Variants in CFAP65 observed in about 807,000 individuals in gnomAD.
CFAP65 encodes the protein cilia- and flagella-associated protein 65.
In CFAP65, 155 loss-of-function variants were observed where a neutral mutation model predicts 208.0. The observed-to-expected ratio is 0.75, with a 90% CI of 0.65 to 0.85. The LOEUF (loss-of-function observed/expected upper bound fraction) is 0.85, where lower values mean the gene tolerates loss of function less well. Among genes scored for constraint, CFAP65 ranks in the 40% least tolerant of loss-of-function variants. The pLI, the probability that CFAP65 is intolerant of heterozygous loss-of-function variation, is 0.00. For missense variants in CFAP65, 2,294 were observed against 2,451.3 expected (o/e 0.94, Z 1.36); for synonymous variants, 970 against 986.3 (o/e 0.98, Z 0.31).
rs539136418 is a variant in CFAP65 at position 219,013,602 on chromosome 2, A to G, written c.3780-17T>C. 2.5e-6 allele frequency: 4 copies of G among 1,589,176 alleles called. No individual in the cohort carries two copies. In the South Asian group the frequency reaches 4.6e-5, roughly 18 times the overall value. ...AACAGGTGGCTAGAAAGAAACAGAT[A>G]AGTCTGGGAGTGAGTTCTGGAGCCC... On this transcript the variant is annotated splice_polypyrimidine_tract_variant and intron_variant, in intron 22 of 34. Coordinates refer to ENST00000341552, the MANE Select transcript of CFAP65 (RefSeq NM_194302.4).
Position 219,003,635 on chromosome 2 carries a change from G to A in CFAP65, c.5555+317C>T, listed in dbSNP as rs1945734908. On this transcript the variant is annotated intron_variant, in intron 33 of 34. Coordinates refer to ENST00000341552, the MANE Select transcript of CFAP65 (RefSeq NM_194302.4). This position sits in a 1 kb window ranked among gnomAD's most constrained non-coding sequence, Gnocchi z 4.4. ...AAATCATCTGTAGGGCAGCCCCGGC[G>A]GGAAGTCCCACCTGCAAGACAGGTG... Among the ~76,000 whole-genome samples, 1 of 152,176 alleles carries A rather than the reference G, an allele frequency of 6.6e-6. No individual in the cohort carries two copies. The highest frequency in any genetic ancestry group is 2.4e-5 in the African/African-American group (1 of 41,444).
Position 219,002,877 on chromosome 2 carries a change from G to T in CFAP65, c.*60C>A. Reference sequence around the variant, plus strand: ...AAAAAGACTAGATGCTTTTACTGGCGGTGGAGAGGGGGCCAGGCGTGACCC... The same window carrying T: ...AAAAAGACTAGATGCTTTTACTGGCTGTGGAGAGGGGGCCAGGCGTGACCC... On this transcript the variant is annotated 3_prime_UTR_variant, in exon 35 of 35. Coordinates refer to ENST00000341552, the MANE Select transcript of CFAP65 (RefSeq NM_194302.4). The surrounding 1 kb of genome is among the most constrained non-coding windows in gnomAD (Gnocchi z 7.9). The T allele has an allele frequency of 7.2e-7, 1 of 1,386,842 alleles. No homozygotes were observed. The highest frequency in any genetic ancestry group is 1.0e-6 in the Non-Finnish European group (1 of 996,296). The allele number at this position is 1,386,842 out of a possible 1,614,324, so 85.9% of individuals were successfully genotyped here.
rs1945799498 is a variant in CFAP65 at position 219,004,548 on chromosome 2, G to A, written c.5052-93C>T. ...CAGAGCTAGGTTCTAGGTGGGAAAG[G>A]GGCTGCTAGGTGGGGAGAGGGGAGC... On this transcript the variant is annotated intron_variant, in intron 32 of 34. Coordinates refer to ENST00000341552, the MANE Select transcript of CFAP65 (RefSeq NM_194302.4). The surrounding 1 kb of genome is among the most constrained non-coding windows in gnomAD (Gnocchi z 4.7). 7.2e-7 allele frequency: 1 copy of A among 1,397,456 alleles called. No homozygotes were observed. The highest frequency in any genetic ancestry group is 2.3e-5 in the Admixed American group (1 of 42,850). The allele number at this position is 1,397,456 out of a possible 1,614,324, so 86.6% of individuals were successfully genotyped here. A position where few individuals can be genotyped will look rare whatever the true frequency, so the allele number is the denominator to read the frequency against.
rs747652315 is a variant in CFAP65 at position 219,023,255 on chromosome 2, C to T, written c.2772G>A (p.Leu924=). The T allele has an allele frequency of 6.2e-7, 1 of 1,613,034 alleles. No individual in the cohort carries two copies. Among genetic ancestry groups the T allele is most frequent in the East Asian group, 2.2e-5 (1 of 44,870 alleles). ...GCCCCCTGGAGGGCTGGACAGCCAG[C>T]AGCTTTCGATGCTGCTCAGAGACCC... The part of the protein sequence containing the change: ...EWRVSEQHRK[L]LAVQPSRGLI... The change falls in exon 16 of 35, where the codon CTG becomes CTA. Residue 924 remains leucine, a synonymous_variant. Transcript: ENST00000341552.
In CFAP65 at chr2:219,024,155, C is replaced by A; in HGVS notation, c.2455G>T (p.Asp819Tyr). 1 of 1,614,032 alleles carries A rather than the reference C, an allele frequency of 6.2e-7. No individual in the cohort carries two copies. The highest frequency in any genetic ancestry group is 2.2e-5 in the East Asian group (1 of 44,888). Residue 819 changes from aspartate to tyrosine, a missense_variant, in exon 15 of 35, where the codon GAC becomes TAC. By Grantham distance (160) the Asp-to-Tyr change is radical (BLOSUM62 -3). Coordinates refer to ENST00000341552, the MANE Select transcript of CFAP65 (RefSeq NM_194302.4). ...TFSLAPQRGSDVILRPTSGLV... is the reference protein window; with the variant it reads ...TFSLAPQRGSYVILRPTSGLV... ...CCCGAAGTGGGCCGAAGGATGACGTCTGAGCCTCTCTGGGGGGCCAGGCTG... is the reference window on the plus strand; with the variant it reads ...CCCGAAGTGGGCCGAAGGATGACGTATGAGCCTCTCTGGGGGGCCAGGCTG...
chr2:219,004,270 G>A lies in CFAP65; in HGVS notation c.5237C>T (p.Pro1746Leu), dbSNP rs766938631. 56 of 1,613,684 alleles carry A rather than the reference G, an allele frequency of 3.5e-5. No individual in the cohort carries two copies. Among genetic ancestry groups the A allele is most frequent in the South Asian group, 2.0e-4 (18 of 91,072 alleles). The change falls in exon 33 of 35, where the codon CCG becomes CTG. Residue 1746 changes from proline to leucine, a missense_variant. By Grantham distance (98) the Pro-to-Leu change is moderately conservative (BLOSUM62 -3). This residue lies in a region of CFAP65 where 1,427 missense variants were observed against 1,438.7 expected (regional missense o/e 0.99). Transcript: ENST00000341552. This position sits in a 1 kb window ranked among gnomAD's most constrained non-coding sequence, Gnocchi z 4.7. ...ATAGTGCTCTGGTCTGTCTTCCTTC[G>A]GCTGCTTGCCCTTCCCATCCTCCCA... ...SSWEDGKGKQ[P>L]KEDRPEHYPG...
intron 21 of CFAP65, chr2:219,014,527 G>A (rs944723725): frequency 3.2e-5 from 5 of 154,320 alleles, no homozygotes; most frequent in African/African-American, 1.2e-4. Context: ...GCTGTGCACA[G>A]AGTTAATGCC....
chr2:219,018,883 C>T, intron 21 of CFAP65, 168 bp downstream of exon 21: 2 of 874,478 alleles, frequency 2.3e-6, no homozygotes, highest in East Asian at 2.5e-5. Context: ...CGGAGTCCTG[C>T]TGGCAACCCC....
At position 219,032,691 on chromosome 2, in the gene CFAP65, G is replaced by A. The variant is rs1948129785; in HGVS notation, c.543-119C>T. 2.5e-6 allele frequency: 2 copies of A among 816,098 alleles called. No homozygotes were observed. The highest frequency in any genetic ancestry group is 2.7e-5 in the Admixed American group (1 of 36,452). 50.6% of individuals were successfully genotyped at this position (816,098 alleles called of 1,614,324 possible). On this transcript the variant is annotated intron_variant, in intron 5 of 34. Transcript: ENST00000341552. This position sits in a 1 kb window ranked among gnomAD's most constrained non-coding sequence, Gnocchi z 5.5. ...TTGAGTCCCTGGGACCACAGAGAAA[G>A]CGATCAGGAGATGAGCACGTGGAGA...
chr2:219,019,526 G>A lies in CFAP65; in HGVS notation c.3453C>T (p.Tyr1151=). ...ERDPTPCELT[Y]KVPTRHSMSQ... ...CTCACCTGTGCCGGGTGGGCACCTTGTAGGTGAGCTCACAGGGGGTGGGGT... is the reference window on the plus strand; with the variant it reads ...CTCACCTGTGCCGGGTGGGCACCTTATAGGTGAGCTCACAGGGGGTGGGGT... Residue 1151 remains tyrosine (Y), a synonymous_variant, in exon 20 of 35, where the codon TAC becomes TAT. Coordinates refer to ENST00000341552, the MANE Select transcript of CFAP65 (RefSeq NM_194302.4). The A allele has an allele frequency of 6.2e-7, 1 of 1,612,728 alleles. No homozygotes were observed. The highest frequency in any genetic ancestry group is 8.5e-7 in the Non-Finnish European group (1 of 1,179,934).
intron 13 of CFAP65, chr2:219,027,341 G>T: frequency 6.9e-7 from 1 of 1,445,628 alleles, no homozygotes; most frequent in Non-Finnish European, 9.1e-7. Flanking sequence ...AAGCTAGGAG[G>T]CCTCCTAGCC....
rs145661891 is a variant in CFAP65, at chr2:219,019,610, G to A, written c.3369C>T (p.Thr1123=). 7,968 of 1,613,822 alleles carry A rather than the reference G, an allele frequency of 4.9e-3. 30 individuals carry two copies. The highest frequency in any genetic ancestry group is 6.0e-3 in the Non-Finnish European group (7,126 of 1,180,018). The change falls in exon 20 of 35, where the codon ACC becomes ACT. Residue 1123 remains threonine, a synonymous_variant. Transcript: ENST00000341552. ...AGAAGAGGCGCCACAGGTGCTTCCG[G>A]GTGATACCCTCAGCACTGCCCATGG... ...VSSMGSAEGI[T]RKHLWRLFSL...
chr2:219,032,699 G>C lies in CFAP65; in HGVS notation c.543-127C>G. Reference sequence around the variant, plus strand: ...CTGGGACCACAGAGAAAGCGATCAGGAGATGAGCACGTGGAGATGGAAACT... The same window carrying C: ...CTGGGACCACAGAGAAAGCGATCAGCAGATGAGCACGTGGAGATGGAAACT... On this transcript the variant is annotated intron_variant, in intron 5 of 34. Transcript: ENST00000341552. This position sits in a 1 kb window ranked among gnomAD's most constrained non-coding sequence, Gnocchi z 5.5. The C allele has an allele frequency of 1.3e-6, 1 of 741,672 alleles. No homozygotes were observed. The highest frequency in any genetic ancestry group is 2.2e-6 in the Non-Finnish European group (1 of 456,546). The allele number at this position is 741,672 out of a possible 1,614,324, so 45.9% of individuals were successfully genotyped here.
chr2:219,024,791 C>T (rs1290057125), intron 14 of CFAP65, among the ~76,000 whole-genome samples: 1 of 152,098 alleles, frequency 6.6e-6, no homozygotes, highest in Non-Finnish European at 1.5e-5. Context: ...CCAAAATTAG[C>T]CAGTTGTAGT....
At chr2:219,008,737 A>G (rs939253864) in intron 29 of CFAP65, among the ~76,000 whole-genome samples, 7 of 152,230 alleles carry the variant, frequency 4.6e-5, no homozygotes, top group Non-Finnish European at 8.8e-5. Flanking sequence ...CTGTCTCAAA[A>G]AAAAATAAAA....
At chr2:219,028,612 G>A (rs548128590) in intron 11 of CFAP65, among the ~76,000 whole-genome samples, 2 of 152,020 alleles carry the variant, frequency 1.3e-5, no homozygotes, top group African/African-American at 2.4e-5. Context: ...AGAGCACCCC[G>A]GTCCTTAGGA....
At position 219,023,324 on chromosome 2, in the gene CFAP65, G is replaced by GA. The variant is rs767436894; in HGVS notation, c.2702dup (p.Thr902HisfsTer18). ...GCAGACGCGAGGGGTTGCGGAAGGT[G>GA]AAGGGGCTGGTGGAGGAGCAGCCCA... On this transcript the variant is annotated frameshift_variant, in exon 16 of 35. Transcript: ENST00000341552. LOFTEE classifies it high-confidence loss of function. 1.3e-5 allele frequency: 21 copies of GA among 1,612,760 alleles called. No individual in the cohort carries two copies. The highest frequency in any genetic ancestry group is 2.7e-5 in the African/African-American group (2 of 74,948).
chr2:219,031,610 A>T lies in CFAP65; in HGVS notation c.694T>A (p.Cys232Ser). 6.2e-7 allele frequency: 1 copy of T among 1,614,034 alleles called. No homozygotes were observed. The highest frequency in any genetic ancestry group is 8.5e-7 in the Non-Finnish European group (1 of 1,179,936). ...GGCAGGGTGGCCCGTAGGCCGACAC[A>T]GAACATCCCCTCCGCTTTCTCAAAC... Reference protein sequence around the residue: ...LWFEKAEGMFCVGLRATLPCH... With the variant: ...LWFEKAEGMFSVGLRATLPCH... Residue 232 changes from cysteine to serine, a missense_variant, in exon 7 of 35, where the codon TGT becomes AGT. By Grantham distance (112) the Cys-to-Ser change is moderately radical. Transcript: ENST00000341552. This position sits in a 1 kb window ranked among gnomAD's most constrained non-coding sequence, Gnocchi z 5.2.
intron 29 of CFAP65, among the ~76,000 whole-genome samples, chr2:219,007,778 G>T (rs1439570883): frequency 1.3e-5 from 2 of 151,860 alleles, no homozygotes; most frequent in Non-Finnish European, 2.9e-5. Context: ...TCACAAAGCA[G>T]ATATCTCACT....
Sources: gnomAD v4.1 joint callset for allele counts (sites outside exome capture counted in the v4.1 genomes callset) on GRCh38, gnomAD v4.1.1 for gene constraint, gnomAD v4.1.1 regional missense constraint, Gnocchi (gnomAD v3.1) non-coding constraint, MANE v1.5 for transcripts, NCBI Gene and HGNC (gene_info 2026-07-23, HGNC 2026-07-21) for gene names.